The following ELAPOR2 variants were observed in gnomAD, a reference collection of about 807,000 sequenced individuals.
ELAPOR2 encodes endosome-lysosome associated apoptosis and autophagy regulator family member 2, also known as endosome/lysosome-associated apoptosis and autophagy regulator family member 2.
Under a neutral mutation model 120.7 loss-of-function variants are expected in ELAPOR2, and 89 were observed. The ratio of observed to expected loss-of-function variants is 0.74; its 90% CI spans 0.62 to 0.88. The LOEUF (loss-of-function observed/expected upper bound fraction) is 0.88, where lower values mean the gene tolerates loss of function less well. Ranked by LOEUF, ELAPOR2 falls within the 40% of genes least tolerant of loss-of-function variation. ELAPOR2 has a pLI of 0.00. For synonymous variants in ELAPOR2, 444 were observed against 444.9 expected, an observed-to-expected ratio of 1.00 and a Z score of 0.03; for missense variants, 1,134 against 1,251.6, an observed-to-expected ratio of 0.91 and a Z score of 1.42.
Position 86,919,214 on chromosome 7 carries a change from C to T in ELAPOR2, c.1490+6G>A. ...TACAGAAAAGAATTAGAATTGTTTTCCTTACTTAAATCCTGGGATATGCAA... is the reference window on the plus strand; with the variant it reads ...TACAGAAAAGAATTAGAATTGTTTTTCTTACTTAAATCCTGGGATATGCAA... On this transcript the variant is annotated splice_donor_region_variant and intron_variant, in intron 11 of 21. Transcript: ENST00000450689. 1 of 1,597,676 alleles carries T rather than the reference C, an allele frequency of 6.3e-7. No individual in the cohort carries two copies. Among genetic ancestry groups the T allele is most frequent in the South Asian group, 1.1e-5 (1 of 90,312 alleles).
rs1249298501 is a variant in ELAPOR2, at chr7:86,926,762, G to C, written c.1244C>G (p.Pro415Arg). The change falls in exon 9 of 22, where the codon CCT becomes CGT. Residue 415 changes from proline to arginine, a missense_variant. Physicochemically the swap from Pro to Arg is moderately radical, Grantham distance 103 (BLOSUM62 -2). This residue lies in a region of ELAPOR2 where 831 missense variants were observed against 867.6 expected (regional missense o/e 0.96). Coordinates refer to ENST00000450689, the MANE Select transcript of ELAPOR2 (RefSeq NM_001142749.3). ...NGSSSCHPCP[P>R]GTFSDGTKEC... ...TTTGGTTCCATCTGAAAATGTTCCA[G>C]GAGGACAGGGATGGCAAGAAGATGA... 2 of 1,609,934 alleles carry C rather than the reference G, an allele frequency of 1.2e-6. No homozygotes were observed. The highest frequency in any genetic ancestry group is 1.7e-6 in the Non-Finnish European group (2 of 1,178,070).
chr7:86,905,333 AAAAC>A (rs1250280983), intron 18 of ELAPOR2, among the ~76,000 whole-genome samples: 1 of 151,676 alleles, frequency 6.6e-6, no homozygotes, highest in East Asian at 1.9e-4. Context: ...AAAAAAAACC[AAAAC>A]AAACAAACAA....
intron 19 of ELAPOR2, among the ~76,000 whole-genome samples, chr7:86,894,855 A>G (rs1788364025): frequency 6.6e-6 from 1 of 152,094 alleles, no homozygotes; most frequent in African/African-American, 2.4e-5. Context: ...TTAGTGCTGC[A>G]TGACATATAG....
In ELAPOR2 at chr7:87,048,388, C is replaced by T. The variant is rs187628812; in HGVS notation, c.189+10937G>A. 1.3e-3 allele frequency among the ~76,000 whole-genome samples: 194 copies of T among 152,214 alleles called. 1 individual carries two copies. The highest frequency in any genetic ancestry group is 3.4e-3 in the Middle Eastern group (1 of 294). Reference sequence around the variant, plus strand: ...GTGAAATAAGCTAGGCACAGAAAGACACACATCACACGTTCTCATTTGTTG... The same window carrying T: ...GTGAAATAAGCTAGGCACAGAAAGATACACATCACACGTTCTCATTTGTTG... On this transcript the variant is annotated intron_variant, in intron 1 of 21. Transcript: ENST00000450689.
intron 1 of ELAPOR2, among the ~76,000 whole-genome samples, chr7:86,999,507 G>C (rs1793240202): frequency 6.6e-6 from 1 of 152,138 alleles, no homozygotes; most frequent in Admixed American, 6.6e-5. Context: ...TACATAAAAT[G>C]CAGAGTAAAG....
rs201519013 is a variant in ELAPOR2, at chr7:87,039,717, T to TA, written c.189+19607dup. 9.0e-3 allele frequency among the ~76,000 whole-genome samples: 1,373 copies of TA among 151,770 alleles called. 18 individuals are homozygous for TA. The highest frequency in any genetic ancestry group is 0.03 in the African/African-American group (1,222 of 41,420). On this transcript the variant is annotated intron_variant, in intron 1 of 21. Coordinates refer to ENST00000450689, the MANE Select transcript of ELAPOR2 (RefSeq NM_001142749.3). ...AATAAATTTCAACATCCCTTTATGA[T>TA]AAAAAAAAATTTAAAAACTAGGTAT...
At chr7:86,912,664 A>G (rs1789369850) in intron 14 of ELAPOR2, among the ~76,000 whole-genome samples, 1 of 152,216 alleles carries the variant, frequency 6.6e-6, no homozygotes, top group Non-Finnish European at 1.5e-5. Flanking sequence ...TATTTGCTGT[A>G]CCTAAACAAT....
intron 1 of ELAPOR2, among the ~76,000 whole-genome samples, chr7:86,999,348 C>A (rs557795054): frequency 6.6e-6 from 1 of 151,932 alleles, no homozygotes. Flanking sequence ...AACAAAGAAA[C>A]CTTTCCAAGA....
intron 1 of ELAPOR2, among the ~76,000 whole-genome samples, chr7:87,030,337 T>C (rs145068529): frequency 6.6e-6 from 1 of 151,990 alleles, no homozygotes; most frequent in East Asian, 1.9e-4. Context: ...AACATAAGCG[T>C]CCTCAAAACT....
At chr7:86,939,321 C>T (rs1331455428) in intron 6 of ELAPOR2, among the ~76,000 whole-genome samples, 1 of 151,896 alleles carries the variant, frequency 6.6e-6, no homozygotes, top group African/African-American at 2.4e-5. Flanking sequence ...TTTTCCACTG[C>T]TTATTAAGTC....
At chr7:86,995,923 A>G (rs570478237) in intron 1 of ELAPOR2, among the ~76,000 whole-genome samples, 4 of 152,352 alleles carry the variant, frequency 2.6e-5, no homozygotes, top group African/African-American at 7.2e-5. Context: ...TCACAATTCT[A>G]TAAGATATAT....
chr7:86,936,504 C>G (rs1790565054), intron 8 of ELAPOR2, among the ~76,000 whole-genome samples: 1 of 152,082 alleles, frequency 6.6e-6, no homozygotes, highest in Non-Finnish European at 1.5e-5. Context: ...CATTGCTTTA[C>G]TTCTGAAGCT....
rs1345386815 is a variant in ELAPOR2, at chr7:86,879,501, T to A, written c.*970A>T. 6.6e-6 allele frequency: 1 copy of A among 152,172 alleles called. No individual in the cohort carries two copies. The highest frequency in any genetic ancestry group is 1.5e-5 in the Non-Finnish European group (1 of 68,026). The allele number at this position is 152,172 out of a possible 1,614,324, so 9.4% of individuals were successfully genotyped here. On this transcript the variant is annotated 3_prime_UTR_variant, in exon 22 of 22. Transcript: ENST00000450689. ...GTCTTGCAGCAGAAAAATAACCATA[T>A]AACCTCTGGTGCTTGACAAAGAACA...
chr7:86,957,320 T>A (rs1450910003), intron 2 of ELAPOR2, among the ~76,000 whole-genome samples: 1 of 152,232 alleles, frequency 6.6e-6, no homozygotes, highest in Non-Finnish European at 1.5e-5. Context: ...TTTTTACAAA[T>A]CTGATTAGAC....
chr7:86,939,705 T>C (rs1056417065), intron 6 of ELAPOR2, among the ~76,000 whole-genome samples: 2 of 152,132 alleles, frequency 1.3e-5, no homozygotes, highest in Admixed American at 6.6e-5. Context: ...CAGACATTTC[T>C]TGGAGGAATA....
At position 86,880,339 on chromosome 7, in the gene ELAPOR2, C is replaced by G. The variant is rs1038633840; in HGVS notation, c.*132G>C. 4.3e-5 allele frequency: 31 copies of G among 721,834 alleles called. No homozygotes were observed. In the East Asian group the frequency reaches 7.4e-4, roughly 17 times the overall value. 44.7% of individuals were successfully genotyped at this position (721,834 alleles called of 1,614,324 possible). A position where few individuals can be genotyped will look rare whatever the true frequency, so the allele number is the denominator to read the frequency against. On this transcript the variant is annotated 3_prime_UTR_variant, in exon 22 of 22. Coordinates refer to ENST00000450689, the MANE Select transcript of ELAPOR2 (RefSeq NM_001142749.3). ...CAATCAAATGTTTCAATCTCCTTCCCTTTTCAGCGGCATGGCCCTCCTCTG... is the reference window on the plus strand; with the variant it reads ...CAATCAAATGTTTCAATCTCCTTCCGTTTTCAGCGGCATGGCCCTCCTCTG...
At chr7:87,031,096 C>T (rs138324575) in intron 1 of ELAPOR2, among the ~76,000 whole-genome samples, 3,686 of 152,238 alleles carry the variant, frequency 0.024, 169 homozygotes, top group African/African-American at 0.085. Flanking sequence ...CCTGGTCCCT[C>T]CCACAACATG....
At chr7:86,967,190 T>A (rs767242272) in intron 1 of ELAPOR2, among the ~76,000 whole-genome samples, 2 of 152,186 alleles carry the variant, frequency 1.3e-5, no homozygotes, top group Non-Finnish European at 2.9e-5. Context: ...CTAGGAGCTG[T>A]GCCTCAGCCC....
intron 1 of ELAPOR2, among the ~76,000 whole-genome samples, chr7:86,989,492 G>C (rs1246006017): frequency 6.6e-6 from 1 of 152,150 alleles, no homozygotes; most frequent in Non-Finnish European, 1.5e-5. Context: ...GGTAACATTT[G>C]CACGTATTTT....
Sources: allele counts gnomAD v4.1 joint callset (sites outside exome capture counted in the v4.1 genomes callset), GRCh38; gene constraint gnomAD v4.1.1; regional missense constraint gnomAD v4.1.1; transcripts MANE v1.5; gene names NCBI Gene and HGNC (gene_info 2026-07-23, HGNC 2026-07-21).